The following FERMT2 variants were observed in gnomAD, a reference collection of about 807,000 sequenced individuals.
The protein encoded by FERMT2 is FERM domain containing kindlin 2, also known as fermitin family homolog 2.
Under a neutral mutation model 82.7 loss-of-function variants are expected in FERMT2, and 15 were observed. The ratio of observed to expected loss-of-function variants is 0.18; its 90% CI spans 0.12 to 0.28. FERMT2 has a LOEUF of 0.28. Among genes scored for constraint, FERMT2 ranks in the 10% least tolerant of loss-of-function variants. The probability of loss-of-function intolerance (pLI) is 1.00; values close to 1 mark genes in which losing one functional copy is unlikely to be tolerated. For synonymous variants in FERMT2, 274 were observed against 271.5 expected (o/e 1.01, Z -0.09); for missense variants, 645 against 809.4 (o/e 0.80, Z 2.46).
intron 3 of FERMT2, among the ~76,000 whole-genome samples, chr14:52,895,647 G>T (rs1218519419): frequency 6.6e-6 from 1 of 152,174 alleles, no homozygotes; most frequent in African/African-American, 2.4e-5. Context: ...ACAGAAAGCA[G>T]ATCAATTTGC....
chr14:52,915,549 T>G (rs1399057945), intron 3 of FERMT2, among the ~76,000 whole-genome samples: 1 of 152,196 alleles, frequency 6.6e-6, no homozygotes, highest in Non-Finnish European at 1.5e-5. Flanking sequence ...CAATAAACAG[T>G]GTTGGCTAGC....
At chr14:52,867,729 T>C (rs989565734) in intron 10 of FERMT2, among the ~76,000 whole-genome samples, 8 of 152,120 alleles carry the variant, frequency 5.3e-5, no homozygotes, top group Admixed American at 2.0e-4. Context: ...TATCCCCAAA[T>C]TAAACTCATC....
intron 2 of FERMT2, among the ~76,000 whole-genome samples, chr14:52,947,995 G>A (rs945190995): frequency 6.6e-6 from 1 of 152,290 alleles, no homozygotes; most frequent in Admixed American, 6.5e-5. Flanking sequence ...CAGACAGTCT[G>A]GAGTTTGAAA....
chr14:52,926,087 C>T (rs1889253259), intron 2 of FERMT2, among the ~76,000 whole-genome samples: 1 of 152,148 alleles, frequency 6.6e-6, no homozygotes, highest in South Asian at 2.1e-4. Flanking sequence ...CAGACATCCA[C>T]ACATTGAAGC....
chr14:52,920,036 A>C (rs573959772), intron 2 of FERMT2, among the ~76,000 whole-genome samples: 30 of 152,366 alleles, frequency 2.0e-4, no homozygotes, highest in African/African-American at 6.0e-4. Context: ...GTATAACAGG[A>C]AACATTAATA....
chr14:52,942,363 C>T (rs944926357), intron 2 of FERMT2, among the ~76,000 whole-genome samples: 6 of 147,312 alleles, frequency 4.1e-5, no homozygotes, highest in African/African-American at 1.5e-4. Context: ...AGTGCAGTGG[C>T]GCGATCCCGG....
rs865860196 is a variant in FERMT2, at chr14:52,863,689, C to T, written c.1602+712G>A. ...GTGTAAAATTGTGGTTAGGTTCTGA[C>T]TGAAAATGTTAAGAAAAGACACGGC... is the stretch of plus-strand genomic sequence containing the variant. On this transcript the variant is annotated intron_variant, in intron 12 of 14. Coordinates refer to ENST00000341590, the MANE Select transcript of FERMT2 (RefSeq NM_006832.3). The T allele has an allele frequency of 3.3e-5, 5 of 152,194 alleles. No homozygotes were observed. The South Asian group carries it at 1.0e-3, about 32-fold the overall frequency. 9.4% of individuals were successfully genotyped at this position (152,194 alleles called of 1,614,324 possible).
At chr14:52,944,807 T>C (rs1391168603) in intron 2 of FERMT2, among the ~76,000 whole-genome samples, 1 of 152,220 alleles carries the variant, frequency 6.6e-6, no homozygotes, top group African/African-American at 2.4e-5. Flanking sequence ...ATAAATGAAC[T>C]TTTTTCATTA....
chr14:52,879,045 G>A (rs189300496), intron 6 of FERMT2, among the ~76,000 whole-genome samples: 42 of 152,148 alleles, frequency 2.8e-4, no homozygotes, highest in Admixed American at 1.6e-3. Context: ...AAAGTAAGGC[G>A]GAACTACCGA....
intron 4 of FERMT2, among the ~76,000 whole-genome samples, chr14:52,882,020 G>A (rs577406406): frequency 1.3e-4 from 20 of 152,038 alleles, no homozygotes; most frequent in South Asian, 4.2e-4. Context: ...AAGTAAAACG[G>A]TTTTTTTTGT....
In FERMT2 at chr14:52,902,375, A is replaced by G. The variant is rs1417718174; in HGVS notation, c.392-8948T>C. Among the ~76,000 whole-genome samples the G allele has an allele frequency of 2.7e-5, 4 of 147,818 alleles. 1 individual carries two copies. In the East Asian group the frequency reaches 6.1e-4, roughly 23 times the overall value. ...ACCATTGCACTTCAGCTTGGGCGAC[A>G]ACAGCAAAACTCTGTCTCAAAACAA... On this transcript the variant is annotated intron_variant, in intron 3 of 14. Transcript: ENST00000341590.
At chr14:52,867,734 C>T (rs1352764894) in intron 10 of FERMT2, among the ~76,000 whole-genome samples, 2 of 152,248 alleles carry the variant, frequency 1.3e-5, no homozygotes. Context: ...CCAAATTAAA[C>T]TCATCTTTCC....
At chr14:52,892,004 C>A (rs188785014) in intron 4 of FERMT2, among the ~76,000 whole-genome samples, 1 of 152,040 alleles carries the variant, frequency 6.6e-6, no homozygotes, top group East Asian at 1.9e-4. Context: ...ATACCAAACA[C>A]AGAAAAGTCT....
chr14:52,911,454 A>AT (rs1299783477), intron 3 of FERMT2, among the ~76,000 whole-genome samples: 1 of 151,982 alleles, frequency 6.6e-6, no homozygotes, highest in Non-Finnish European at 1.5e-5. Context: ...GATTGATACC[A>AT]TCCTGGCTAA....
chr14:52,935,261 A>G (rs952330785), intron 2 of FERMT2, among the ~76,000 whole-genome samples: 21 of 152,220 alleles, frequency 1.4e-4, no homozygotes, highest in Non-Finnish European at 1.9e-4. Flanking sequence ...AACTGCAAAC[A>G]TATTTCAATT....
chr14:52,921,945 C>T (rs931668973), intron 2 of FERMT2, among the ~76,000 whole-genome samples: 2 of 152,058 alleles, frequency 1.3e-5, no homozygotes, highest in East Asian at 3.9e-4. Context: ...ACTAAGGAAG[C>T]TCCATCATAT....
chr14:52,950,384 A>C, intron 2 of FERMT2, 28 bp downstream of exon 2: 1 of 1,602,916 alleles, frequency 6.2e-7, no homozygotes, highest in South Asian at 1.1e-5. Flanking sequence ...GGAAGTCATT[A>C]GTTGGACGCG....
chr14:52,919,015 T>C (rs138211891), intron 3 of FERMT2, 108 bp downstream of exon 3: 8 of 696,806 alleles, frequency 1.1e-5, no homozygotes, highest in Non-Finnish European at 1.7e-5. Flanking sequence ...CATACATATA[T>C]ACAGATAGTT....
At position 52,881,058 on chromosome 14, in the gene FERMT2, C is replaced by T. The variant is rs1886264659; in HGVS notation, c.833G>A (p.Ser278Asn). The change falls in exon 6 of 15, where the codon AGC becomes AAC. Residue 278 changes from serine to asparagine, a missense_variant. Physicochemically the swap from Ser to Asn is conservative, Grantham distance 46 (BLOSUM62 1). Transcript: ENST00000341590. Reference protein sequence around the residue: ...EALLLRFKYYSFFDLNPKYDA... With the variant: ...EALLLRFKYYNFFDLNPKYDA... ...TACCTTTGGATTCAAATCAAAAAAGCTGTAATACTTGAATCGGAGCAGCAA... is the reference window on the plus strand; with the variant it reads ...TACCTTTGGATTCAAATCAAAAAAGTTGTAATACTTGAATCGGAGCAGCAA... 2 of 1,611,188 alleles carry T rather than the reference C, an allele frequency of 1.2e-6. No homozygotes were observed. The highest frequency in any genetic ancestry group is 1.7e-5 in the Admixed American group (1 of 59,802).
Sources: gnomAD v4.1 joint callset for allele counts (sites outside exome capture counted in the v4.1 genomes callset) on GRCh38, gnomAD v4.1.1 for gene constraint, MANE v1.5 for transcripts, NCBI Gene and HGNC (gene_info 2026-07-23, HGNC 2026-07-21) for gene names.